The following ERC2 variants were observed in gnomAD, a reference collection of about 807,000 sequenced individuals.
ERC2 encodes ELKS/RAB6-interacting/CAST family member 2.
A neutral mutation model predicts 114.8 loss-of-function variants in ERC2; 42 were observed. The observed-to-expected ratio is 0.37, with a 90% CI of 0.29 to 0.47. ERC2 has a LOEUF of 0.47. Ranked by LOEUF, ERC2 falls within the 20% of genes least tolerant of loss-of-function variation. The probability of loss-of-function intolerance (pLI) is 0.99; values close to 1 mark genes in which losing one functional copy is unlikely to be tolerated. For missense variants in ERC2, 939 were observed against 1,150.7 expected (o/e 0.82, Z 2.66); for synonymous variants, 454 against 425.5 (o/e 1.07, Z -0.82).
At chr3:56,072,800 T>C (rs890176762) in intron 7 of ERC2, among the ~76,000 whole-genome samples, 5 of 152,188 alleles carry the variant, frequency 3.3e-5, no homozygotes, top group African/African-American at 7.2e-5. Context: ...AAATTTAAAC[T>C]GAGTGTTATC....
At chr3:56,418,959 C>T (rs987652047) in intron 2 of ERC2, among the ~76,000 whole-genome samples, 16 of 152,208 alleles carry the variant, frequency 1.1e-4, no homozygotes, top group African/African-American at 3.6e-4. Context: ...AGGCAAGAAG[C>T]TTTCTTCCCT....
chr3:56,137,963 T>C (rs1277995869), intron 6 of ERC2, among the ~76,000 whole-genome samples: 1 of 151,800 alleles, frequency 6.6e-6, no homozygotes, highest in Non-Finnish European at 1.5e-5. Flanking sequence ...TTCCAATTTA[T>C]AGTATAGATT....
chr3:56,306,779 A>T (rs931008217), intron 2 of ERC2, among the ~76,000 whole-genome samples: 2 of 152,218 alleles, frequency 1.3e-5, no homozygotes, highest in Non-Finnish European at 2.9e-5. Context: ...CTCTGGAGCC[A>T]GGCTGCCTGG....
At chr3:56,064,515 C>T (rs2076383312) in intron 7 of ERC2, among the ~76,000 whole-genome samples, 1 of 152,216 alleles carries the variant, frequency 6.6e-6, no homozygotes, top group African/African-American at 2.4e-5. Flanking sequence ...ATCCTGTTTG[C>T]TTAGCTTTGC....
At chr3:56,107,449 C>A (rs963748390) in intron 6 of ERC2, among the ~76,000 whole-genome samples, 1 of 151,982 alleles carries the variant, frequency 6.6e-6, no homozygotes, top group African/African-American at 2.4e-5. Flanking sequence ...TCAGTTTTCC[C>A]AGGCTGCACC....
chr3:55,672,237 C>T (rs1484340532), intron 17 of ERC2, among the ~76,000 whole-genome samples: 2 of 150,764 alleles, frequency 1.3e-5, no homozygotes, highest in Non-Finnish European at 2.9e-5. Flanking sequence ...ACATGGGAGG[C>T]TGATGTGGAG....
chr3:56,365,858 A>T (rs934880612), intron 2 of ERC2, among the ~76,000 whole-genome samples: 2 of 152,242 alleles, frequency 1.3e-5, no homozygotes, highest in Non-Finnish European at 2.9e-5. Context: ...GCTGGGGAAT[A>T]AATTCTGAAA....
rs2148701469 is a variant in ERC2, at chr3:55,658,417, C to T, written c.*39+25377G>A. 5 of 152,312 alleles carry T rather than the reference C, an allele frequency of 3.3e-5. No homozygotes were observed. In the Middle Eastern group the frequency reaches 0.014, roughly 414 times the overall value. The allele number at this position is 152,312 out of a possible 1,614,324, so 9.4% of individuals were successfully genotyped here. On this transcript the variant is annotated intron_variant, in intron 17 of 17. Coordinates refer to ENST00000288221, the MANE Select transcript of ERC2 (RefSeq NM_015576.3). ...CCATTTCTGAACCAATCACTGTGGC[C>T]TAAGGGATAGCTCCCTCTGAGTGAC...
At chr3:56,365,050 T>C (rs1373533333) in intron 2 of ERC2, among the ~76,000 whole-genome samples, 2 of 152,194 alleles carry the variant, frequency 1.3e-5, no homozygotes, top group African/African-American at 4.8e-5. Flanking sequence ...AAAAAGTAAA[T>C]GAGATAATTT....
Position 55,653,248 on chromosome 3 carries a change from C to T in ERC2, c.*39+30546G>A, listed in dbSNP as rs982530312. On this transcript the variant is annotated intron_variant, in intron 17 of 17. Coordinates refer to ENST00000288221, the MANE Select transcript of ERC2 (RefSeq NM_015576.3). The stretch of plus-strand genomic sequence containing the variant: ...TGTGTAAGTGCATATTCAAAATCAT[C>T]ATTTCTGTAATCACTTTTTTCATGA... Among the ~76,000 whole-genome samples the T allele has an allele frequency of 3.3e-5, 5 of 152,076 alleles. 1 individual carries two copies. The highest frequency in any genetic ancestry group is 1.3e-4 in the Admixed American group (2 of 15,256).
At chr3:55,911,372 T>C (rs139703131) in intron 13 of ERC2, among the ~76,000 whole-genome samples, 288 of 152,276 alleles carry the variant, frequency 1.9e-3, no homozygotes, top group Middle Eastern at 6.8e-3. Context: ...AAATGTAATA[T>C]TGGAGGCCTG....
chr3:56,313,890 T>C (rs2056738951), intron 2 of ERC2, among the ~76,000 whole-genome samples: 1 of 152,150 alleles, frequency 6.6e-6, no homozygotes, highest in Non-Finnish European at 1.5e-5. Flanking sequence ...AAAGAAGCAA[T>C]ATAAATGATA....
intron 14 of ERC2, among the ~76,000 whole-genome samples, chr3:55,852,834 TTC>T (rs2061631395): frequency 6.6e-6 from 1 of 152,234 alleles, no homozygotes; most frequent in African/African-American, 2.4e-5. Context: ...TCTCCAGATA[TTC>T]CCCCCTAAAT....
At chr3:55,972,785 G>A (rs2069267396) in intron 12 of ERC2, among the ~76,000 whole-genome samples, 2 of 152,150 alleles carry the variant, frequency 1.3e-5, no homozygotes, top group African/African-American at 2.4e-5. Context: ...ATCGTCTTTT[G>A]AGAGAAATCA....
chr3:55,844,300 A>G (rs1234914534), intron 14 of ERC2, among the ~76,000 whole-genome samples: 2 of 152,212 alleles, frequency 1.3e-5, no homozygotes, highest in Non-Finnish European at 2.9e-5. Flanking sequence ...CCAAATGGAA[A>G]CATACATGAA....
intron 2 of ERC2, among the ~76,000 whole-genome samples, chr3:56,368,232 A>G (rs1286281896): frequency 2.0e-5 from 3 of 151,502 alleles, no homozygotes; most frequent in African/African-American, 7.3e-5. Context: ...TCGGTCATAC[A>G]TCATGGGATA....
chr3:56,439,827 A>G (rs2062206344), intron 1 of ERC2, among the ~76,000 whole-genome samples: 1 of 152,000 alleles, frequency 6.6e-6, no homozygotes, highest in African/African-American at 2.4e-5. Context: ...GATTATACAC[A>G]TGGCTGCATA....
intron 6 of ERC2, among the ~76,000 whole-genome samples, chr3:56,112,442 C>G (rs1031761286): frequency 2.8e-4 from 43 of 151,346 alleles, no homozygotes; most frequent in East Asian, 2.1e-3. Flanking sequence ...GACACACACA[C>G]ACACACACAC....
At chr3:55,840,957 A>AG (rs2061106360) in intron 14 of ERC2, among the ~76,000 whole-genome samples, 2 of 152,138 alleles carry the variant, frequency 1.3e-5, no homozygotes, top group African/African-American at 4.8e-5. Context: ...ATAGAGATAG[A>AG]GGGGTCATGG....
Sources: gnomAD v4.1 joint callset for allele counts (sites outside exome capture counted in the v4.1 genomes callset) on GRCh38, gnomAD v4.1.1 for gene constraint, MANE v1.5 for transcripts, NCBI Gene and HGNC (gene_info 2026-07-23, HGNC 2026-07-21) for gene names.